COL27A1: variants seen among roughly 807,000 people sequenced by gnomAD.
COL27A1 encodes the protein collagen type XXVII alpha 1 chain.
In COL27A1, 106 loss-of-function variants were observed where a neutral mutation model predicts 251.3. The ratio of observed to expected loss-of-function variants is 0.42; its 90% CI spans 0.36 to 0.50. COL27A1 has a LOEUF of 0.50. Among genes scored for constraint, COL27A1 ranks in the 20% least tolerant of loss-of-function variants. The probability of loss-of-function intolerance (pLI) is 0.00; values close to 1 mark genes in which losing one functional copy is unlikely to be tolerated. For synonymous variants in COL27A1, 1,000 were observed against 986.3 expected (o/e 1.01, Z -0.26); for missense variants, 2,325 against 2,522.8 (o/e 0.92, Z 1.68).
chr9:114,187,482 G>A (rs1402483997), intron 5 of COL27A1, among the ~76,000 whole-genome samples: 1 of 152,240 alleles, frequency 6.6e-6, no homozygotes, highest in Non-Finnish European at 1.5e-5. Flanking sequence ...TTACAGATGA[G>A]GGAATAGGTC....
intron 14 of COL27A1, among the ~76,000 whole-genome samples, chr9:114,223,427 G>T (rs1272035017): frequency 6.6e-6 from 1 of 152,184 alleles, no homozygotes; most frequent in Non-Finnish European, 1.5e-5. Context: ...AGGCCCAGAT[G>T]TCCCCGTGGC....
chr9:114,221,453 T>TTC (rs59050268), intron 13 of COL27A1, among the ~76,000 whole-genome samples: 1,930 of 152,302 alleles, frequency 0.013, 44 homozygotes, highest in African/African-American at 0.044. Flanking sequence ...TGATGTCCAT[T>TTC]TCTTCCTCTC....
Position 114,290,480 on chromosome 9 carries a change from C to A in COL27A1, c.4368+149C>A. 1.4e-6 allele frequency: 1 copy of A among 737,512 alleles called. No individual in the cohort carries two copies. Among genetic ancestry groups the A allele is most frequent in the Non-Finnish European group, 2.3e-6 (1 of 429,590 alleles). 45.7% of individuals were successfully genotyped at this position (737,512 alleles called of 1,614,324 possible). A position where few individuals can be genotyped will look rare whatever the true frequency, so the allele number is the denominator to read the frequency against. On this transcript the variant is annotated intron_variant, in intron 47 of 60. Transcript: ENST00000356083. This position sits in a 1 kb window ranked among gnomAD's most constrained non-coding sequence, Gnocchi z 4.6. ...GAAGTTCTCTGGGGTGGGCAACCAT[C>A]TCCTCCCCTGGCACCTGGGAGTGTG...
chr9:114,209,642 G>C (rs781167239), intron 10 of COL27A1, 33 bp from the exon 11 acceptor site: 1 of 1,612,380 alleles, frequency 6.2e-7, no homozygotes, highest in Non-Finnish European at 8.5e-7. Flanking sequence ...CTCACTGCTT[G>C]ACCGCTCTGA....
intron 10 of COL27A1, 50 bp downstream of exon 10, chr9:114,206,346 C>G: frequency 6.3e-7 from 1 of 1,587,564 alleles, no homozygotes; most frequent in Non-Finnish European, 8.6e-7. Flanking sequence ...AGGTGAGCAT[C>G]ACCTGTCCCT....
At chr9:114,162,682 A>T in intron 1 of COL27A1, 33 bp from the exon 2 acceptor site, 1 of 1,543,596 alleles carries the variant, frequency 6.5e-7, no homozygotes, top group Non-Finnish European at 8.9e-7. Context: ...GTGGAAGCTG[A>T]TGCCGCCTCT....
rs912615258 is a variant in COL27A1, at chr9:114,265,210, C to T, written c.3339+100C>T. 12 of 1,253,638 alleles carry T rather than the reference C, an allele frequency of 9.6e-6. No individual in the cohort carries two copies. In the African/African-American group the frequency reaches 1.2e-4, roughly 12 times the overall value. The allele number at this position is 1,253,638 out of a possible 1,614,324, so 77.7% of individuals were successfully genotyped here. A position where few individuals can be genotyped will look rare whatever the true frequency, so the allele number is the denominator to read the frequency against. Reference sequence around the variant, plus strand: ...ATAACCACTTTTACCAAGTTCCTGTCCTTCTGTGGAAACCCCGCAGGTTCT... The same window carrying T: ...ATAACCACTTTTACCAAGTTCCTGTTCTTCTGTGGAAACCCCGCAGGTTCT... On this transcript the variant is annotated intron_variant, in intron 31 of 60. Coordinates refer to ENST00000356083, the MANE Select transcript of COL27A1 (RefSeq NM_032888.4).
chr9:114,289,434 AG>A, intron 45 of COL27A1, 139 bp downstream of exon 45: 1 of 752,902 alleles, frequency 1.3e-6, no homozygotes, highest in Non-Finnish European at 2.1e-6. Context: ...GGAGCCCGGC[AG>A]GCTGCTTCTG....
chr9:114,303,252 T>TC (rs1342016905), intron 56 of COL27A1, among the ~76,000 whole-genome samples: 1 of 150,576 alleles, frequency 6.6e-6, no homozygotes, highest in Non-Finnish European at 1.5e-5. Context: ...CTTTTTTTTT[T>TC]TTTTGAGACA....
At chr9:114,195,930 G>T (rs1829090395) in intron 6 of COL27A1, 29 bp from the exon 7 acceptor site, 1 of 1,579,824 alleles carries the variant, frequency 6.3e-7, no homozygotes, top group African/African-American at 1.3e-5. Flanking sequence ...CCGTTTTCCT[G>T]CCTCACCCAC....
At chr9:114,286,835 C>G (rs546365415) in intron 41 of COL27A1, among the ~76,000 whole-genome samples, 31 of 152,300 alleles carry the variant, frequency 2.0e-4, no homozygotes, top group African/African-American at 7.0e-4. Flanking sequence ...CCCCCTGATT[C>G]CTGAGTGGCC....
chr9:114,295,337 A>G (rs1254161440), intron 49 of COL27A1, among the ~76,000 whole-genome samples: 1 of 152,216 alleles, frequency 6.6e-6, no homozygotes, highest in South Asian at 2.1e-4. Context: ...ATTTCAAAAG[A>G]CTCAATATTA....
chr9:114,155,933 A>G lies in COL27A1; in HGVS notation c.-18A>G, dbSNP rs1848089428. On this transcript the variant is annotated 5_prime_UTR_variant, in exon 1 of 61. An upstream start codon of the reference 5' UTR is lost. Coordinates refer to ENST00000356083, the MANE Select transcript of COL27A1 (RefSeq NM_032888.4). The surrounding 1 kb of genome is among the most constrained non-coding windows in gnomAD (Gnocchi z 5.5). The stretch of plus-strand genomic sequence containing the variant: ...ACACTTGCCCCCCGGGCTCGGGAGC[A>G]TGAAGTAGGGGCCTGCCATGGGAGC... The G allele has an allele frequency of 1.6e-6, 2 of 1,246,756 alleles. No individual in the cohort carries two copies. Among genetic ancestry groups the G allele is most frequent in the East Asian group, 3.0e-5 (1 of 33,174 alleles). 77.2% of individuals were successfully genotyped at this position (1,246,756 alleles called of 1,614,324 possible). A position where few individuals can be genotyped will look rare whatever the true frequency, so the allele number is the denominator to read the frequency against.
At chr9:114,260,007 C>T (rs925502894) in intron 28 of COL27A1, among the ~76,000 whole-genome samples, 1 of 134,304 alleles carries the variant, frequency 7.4e-6, no homozygotes, top group Non-Finnish European at 1.6e-5. Context: ...GGGGGGGGGT[C>T]TCTTCAAATG....
chr9:114,297,010 G>A (rs1006144743), intron 49 of COL27A1, among the ~76,000 whole-genome samples: 2 of 152,136 alleles, frequency 1.3e-5, no homozygotes, highest in Non-Finnish European at 2.9e-5. Flanking sequence ...AAACTAATCT[G>A]CATTGAAAGA....
In COL27A1 at chr9:114,295,639, G is replaced by A. The variant is rs953472892; in HGVS notation, c.4584+3429G>A. On this transcript the variant is annotated intron_variant, in intron 49 of 60. Transcript: ENST00000356083. Reference sequence around the variant, plus strand: ...GTCCAGACATATACCATACATATACGGACAACTGGTTTTTTTTTGTTTTTT... The same window carrying A: ...GTCCAGACATATACCATACATATACAGACAACTGGTTTTTTTTTGTTTTTT... Among the ~76,000 whole-genome samples the A allele has an allele frequency of 3.3e-5, 5 of 152,118 alleles. No individual in the cohort carries two copies. The South Asian group carries it at 6.2e-4, about 19-fold the overall frequency.
rs1283195949 is a variant in COL27A1 at position 114,264,336 on chromosome 9, T to C, written c.3196-19T>C. On this transcript the variant is annotated intron_variant, in intron 28 of 60. Coordinates refer to ENST00000356083, the MANE Select transcript of COL27A1 (RefSeq NM_032888.4). ...AGACCCCTGCTGTCCGGTGTGCTAGTCCCTTTTTCCTATTCCAGGGCCCCC... is the reference window on the plus strand; with the variant it reads ...AGACCCCTGCTGTCCGGTGTGCTAGCCCCTTTTTCCTATTCCAGGGCCCCC... The C allele has an allele frequency of 6.3e-7, 1 of 1,579,134 alleles. No homozygotes were observed. Among genetic ancestry groups the C allele is most frequent in the Non-Finnish European group, 8.6e-7 (1 of 1,160,842 alleles).
Position 114,231,879 on chromosome 9 carries a change from C to T in COL27A1, c.2565+13C>T. 6.2e-7 allele frequency: 1 copy of T among 1,612,814 alleles called. No individual in the cohort carries two copies. Among genetic ancestry groups the T allele is most frequent in the Non-Finnish European group, 8.5e-7 (1 of 1,178,798 alleles). ...GAAAGGTGATAAGGTGATCTGAATA[C>T]TCCCTTATTGCACTGTGGTTTCTCT... is the stretch of plus-strand genomic sequence containing the variant. On this transcript the variant is annotated intron_variant, in intron 16 of 60. Transcript: ENST00000356083.
chr9:114,175,878 A>G (rs1802183234), intron 3 of COL27A1, among the ~76,000 whole-genome samples: 1 of 152,138 alleles, frequency 6.6e-6, no homozygotes, highest in South Asian at 2.1e-4. Flanking sequence ...TCTTCACTTG[A>G]TAATGTAGCA....
Sources: allele counts gnomAD v4.1 joint callset (sites outside exome capture counted in the v4.1 genomes callset), GRCh38; gene constraint gnomAD v4.1.1; non-coding constraint Gnocchi (gnomAD v3.1); transcripts MANE v1.5; gene names NCBI Gene and HGNC (gene_info 2026-07-23, HGNC 2026-07-21).